Variants in VPS13D observed in about 807,000 individuals in gnomAD.
VPS13D encodes the protein vacuolar protein sorting 13 homolog D.
In VPS13D, 187 loss-of-function variants were observed where a neutral mutation model predicts 461.9. The observed-to-expected ratio is 0.40, with a 90% confidence interval of 0.36 to 0.46. VPS13D has a LOEUF of 0.46. Ranked by LOEUF, VPS13D falls within the 20% of genes least tolerant of loss-of-function variation. VPS13D has a pLI of 0.60. For missense variants in VPS13D, 4,711 were observed against 5,364.9 expected, an observed-to-expected ratio of 0.88 and a Z score of 3.81; for synonymous variants, 1,951 against 1,986.3, an observed-to-expected ratio of 0.98 and a Z score of 0.47.
rs1646128566 is a variant in VPS13D, at chr1:12,507,547, A to G, written c.13035+454A>G. ...TGTTCTAGTAGCATCTAGCATGCTCAATAATTATTTGTAAATAAAAGTTAT... is the reference window on the plus strand; with the variant it reads ...TGTTCTAGTAGCATCTAGCATGCTCGATAATTATTTGTAAATAAAAGTTAT... On this transcript the variant is annotated intron_variant, in intron 69 of 69. Transcript: ENST00000620676. The surrounding 1 kb of genome is among the most constrained non-coding windows in gnomAD (Gnocchi z 5.3). 2.2e-5 allele frequency: 9 copies of G among 414,810 alleles called. No homozygotes were observed. Among genetic ancestry groups the G allele is most frequent in the South Asian group, 1.5e-4 (8 of 54,666 alleles). The allele number at this position is 414,810 out of a possible 1,614,324, so 25.7% of individuals were successfully genotyped here. A position where few individuals can be genotyped will look rare whatever the true frequency, so the allele number is the denominator to read the frequency against.
At chr1:12,313,559 A>T (rs981064946) in intron 29 of VPS13D, among the ~76,000 whole-genome samples, 8 of 152,274 alleles carry the variant, frequency 5.3e-5, no homozygotes, top group South Asian at 2.1e-4. Context: ...CCGAGTAATT[A>T]TGAATTCCTC....
At position 12,276,917 on chromosome 1, in the gene VPS13D, T is replaced by C. The variant is rs191258817; in HGVS notation, c.3329T>C (p.Leu1110Ser). The part of the protein sequence containing the change: ...LQVISLQVNN[L>S]DIILNPETIV... ...GTGATTTCCCTACAGGTGAATAATTTAGATATTATCCTCAATCCAGAGACG... is the reference window on the plus strand; with the variant it reads ...GTGATTTCCCTACAGGTGAATAATTCAGATATTATCCTCAATCCAGAGACG... The change falls in exon 19 of 70, where the codon TTA becomes TCA. Residue 1110 changes from leucine to serine, a missense_variant. Around this residue, in one of 3 missense-constraint regions of VPS13D, gnomAD observed 4,411 missense variants for 4,937.8 expected, o/e 0.89. Transcript: ENST00000620676. This position sits in a 1 kb window ranked among gnomAD's most constrained non-coding sequence, Gnocchi z 4.5. The C allele has an allele frequency of 1.2e-6, 2 of 1,614,210 alleles. No homozygotes were observed. The highest frequency in any genetic ancestry group is 2.7e-5 in the African/African-American group (2 of 75,050).
intron 23 of VPS13D, among the ~76,000 whole-genome samples, chr1:12,293,026 G>A (rs1642178851): frequency 6.6e-6 from 1 of 152,178 alleles, no homozygotes; most frequent in Non-Finnish European, 1.5e-5. Flanking sequence ...ATTTGTAGAA[G>A]TCTTCTAATT....
At chr1:12,341,135 A>G (rs1643559041) in intron 40 of VPS13D, among the ~76,000 whole-genome samples, 2 of 152,340 alleles carry the variant, frequency 1.3e-5, no homozygotes, top group East Asian at 1.9e-4. Context: ...CAATGAAGCC[A>G]TATTTTATGT....
At chr1:12,469,222 A>C (rs1645532360) in intron 67 of VPS13D, among the ~76,000 whole-genome samples, 1 of 151,874 alleles carries the variant, frequency 6.6e-6, no homozygotes, top group Non-Finnish European at 1.5e-5. Context: ...CGGTCTAGGG[A>C]CCCCCTGCGG....
At chr1:12,504,091 G>A (rs1418349528) in intron 68 of VPS13D, among the ~76,000 whole-genome samples, 2 of 152,144 alleles carry the variant, frequency 1.3e-5, no homozygotes, top group Non-Finnish European at 2.9e-5. Flanking sequence ...ATTAGATAAG[G>A]GGTCTGGTCT....
chr1:12,232,066 T>C (rs959677745), intron 1 of VPS13D, among the ~76,000 whole-genome samples: 1 of 152,228 alleles, frequency 6.6e-6, no homozygotes, highest in Non-Finnish European at 1.5e-5. Context: ...AAAAAATTGT[T>C]CTTATAACAT....
At chr1:12,480,259 T>C (rs978621984) in intron 67 of VPS13D, among the ~76,000 whole-genome samples, 1 of 152,216 alleles carries the variant, frequency 6.6e-6, no homozygotes, top group Non-Finnish European at 1.5e-5. Flanking sequence ...CACCAGGCGG[T>C]AACCTGGGAA....
chr1:12,345,638 C>A, intron 43 of VPS13D, 129 bp downstream of exon 43: 2 of 1,258,686 alleles, frequency 1.6e-6, no homozygotes, highest in Non-Finnish European at 2.1e-6. Flanking sequence ...CTGACTGGGT[C>A]AGTCATAGGC....
intron 61 of VPS13D, among the ~76,000 whole-genome samples, 175 bp from the exon 62 acceptor site, chr1:12,401,433 A>G (rs1230110529): frequency 1.3e-5 from 2 of 152,178 alleles, no homozygotes; most frequent in African/African-American, 4.8e-5. Flanking sequence ...CATCTTTTGG[A>G]GTTTTTAGTT....
intron 67 of VPS13D, among the ~76,000 whole-genome samples, chr1:12,494,504 A>T (rs1257661368): frequency 6.6e-6 from 1 of 152,078 alleles, no homozygotes; most frequent in Non-Finnish European, 1.5e-5. Context: ...ACTATTCTGG[A>T]GCTGTCATGA....
At position 12,333,248 on chromosome 1, in the gene VPS13D, T is replaced by C. The variant is rs146929592; in HGVS notation, c.8310T>C (p.Pro2770=). 6.8e-5 allele frequency: 110 copies of C among 1,613,928 alleles called. No individual in the cohort carries two copies. The highest frequency in any genetic ancestry group is 8.1e-5 in the Non-Finnish European group (96 of 1,179,890). Residue 2770 remains proline, a synonymous_variant, in exon 38 of 70, where the codon CCT becomes CCC. Transcript: ENST00000620676. ...TAGGCTGGGAGCCATTTATTGAGCC[T>C]TGGCCATGCTCTGTATCCTGGCAAC... ...ALSGWEPFIE[P]WPCSVSWQQQ...
chr1:12,285,697 A>C (rs894009009), intron 21 of VPS13D, among the ~76,000 whole-genome samples: 1 of 152,234 alleles, frequency 6.6e-6, no homozygotes, highest in Non-Finnish European at 1.5e-5. Context: ...GTCACGTCCA[A>C]CTAACAAGAA....
At chr1:12,466,949 T>C (rs1347517238) in intron 67 of VPS13D, among the ~76,000 whole-genome samples, 1 of 152,228 alleles carries the variant, frequency 6.6e-6, no homozygotes, top group Non-Finnish European at 1.5e-5. Context: ...CTTTATCTTC[T>C]ACTCACCCTT....
At chr1:12,290,186 T>C (rs1294891887) in intron 22 of VPS13D, among the ~76,000 whole-genome samples, 1 of 152,192 alleles carries the variant, frequency 6.6e-6, no homozygotes, top group East Asian at 1.9e-4. Flanking sequence ...TTCACTCATA[T>C]ATCAGAGTAG....
intron 68 of VPS13D, chr1:12,500,118 C>T (rs1308884899): frequency 2.0e-6 from 2 of 985,274 alleles, no homozygotes; most frequent in African/African-American, 1.7e-5. Context: ...CCCACGAAGT[C>T]CCCAGTGCCT....
chr1:12,511,373 C>G lies in VPS13D; in HGVS notation c.*2349C>G, dbSNP rs745381547. ...CCCTGCCCTGCAGCCCTGGGCCAGA[C>G]AAGGCCAGAAGGTTTCAGGGGCATT... is the stretch of plus-strand genomic sequence containing the variant. On this transcript the variant is annotated 3_prime_UTR_variant, in exon 70 of 70. Coordinates refer to ENST00000620676, the MANE Select transcript of VPS13D (RefSeq NM_015378.4). This position sits in a 1 kb window ranked among gnomAD's most constrained non-coding sequence, Gnocchi z 4.5. The G allele has an allele frequency of 6.6e-6, 1 of 152,184 alleles. No individual in the cohort carries two copies. The highest frequency in any genetic ancestry group is 2.4e-5 in the African/African-American group (1 of 41,448). The allele number at this position is 152,184 out of a possible 1,614,324, so 9.4% of individuals were successfully genotyped here.
chr1:12,438,753 T>C (rs143343766), intron 65 of VPS13D, among the ~76,000 whole-genome samples: 6 of 152,372 alleles, frequency 3.9e-5, no homozygotes, highest in Non-Finnish European at 7.3e-5. Flanking sequence ...GCTGGCTGCC[T>C]GTGCTCTGAG....
intron 25 of VPS13D, among the ~76,000 whole-genome samples, chr1:12,300,207 C>T (rs1448696913): frequency 7.3e-5 from 9 of 123,316 alleles, no homozygotes; most frequent in Admixed American, 9.2e-5. Flanking sequence ...ATTTGCTTTG[C>T]TTTTTTTTTT....
Sources: allele counts gnomAD v4.1 joint callset (sites outside exome capture counted in the v4.1 genomes callset), GRCh38; gene constraint gnomAD v4.1.1; regional missense constraint gnomAD v4.1.1; non-coding constraint Gnocchi (gnomAD v3.1); transcripts MANE v1.5; gene names NCBI Gene and HGNC (gene_info 2026-07-23, HGNC 2026-07-21).